Variants in NOL4L observed in about 807,000 individuals in gnomAD.
NOL4L encodes nucleolar protein 4 like.
A neutral mutation model predicts 64.5 loss-of-function variants in NOL4L; 7 were observed. That is an observed-to-expected ratio of 0.11 (90% CI 0.06 to 0.20). The LOEUF (loss-of-function observed/expected upper bound fraction) is 0.20. Ranked by LOEUF, NOL4L falls within the 10% of genes least tolerant of loss-of-function variation. NOL4L has a pLI of 1.00. For missense variants in NOL4L, 680 were observed against 967.1 expected (o/e 0.70, Z 3.94); for synonymous variants, 413 against 401.0 (o/e 1.03, Z -0.36).
At chr20:32,495,747 A>G (rs955593053) in intron 4 of NOL4L, among the ~76,000 whole-genome samples, 3 of 152,068 alleles carry the variant, frequency 2.0e-5, no homozygotes, top group African/African-American at 4.8e-5. Context: ...GCTTAAGCCC[A>G]GGAGTTCAAG....
intron 5 of NOL4L, among the ~76,000 whole-genome samples, chr20:32,468,915 A>AG (rs1176527602): frequency 0.013 from 1,939 of 146,918 alleles, 4 homozygotes; most frequent in Admixed American, 0.017. Flanking sequence ...AAAAAAAAAA[A>AG]AAAAAGAAAG....
chr20:32,509,063 T>G (rs2017262038), intron 4 of NOL4L, among the ~76,000 whole-genome samples: 1 of 152,176 alleles, frequency 6.6e-6, no homozygotes, highest in Non-Finnish European at 1.5e-5. Flanking sequence ...ACAGCTTCCC[T>G]GACCCCTGCC....
At chr20:32,530,082 C>T (rs1352338592) in intron 1 of NOL4L, among the ~76,000 whole-genome samples, 1 of 152,198 alleles carries the variant, frequency 6.6e-6, no homozygotes, top group African/African-American at 2.4e-5. Context: ...TCTTCATATA[C>T]TGCCATGACA....
rs774612473 is a variant in NOL4L at position 32,447,403 on chromosome 20, C to CCAAA, written c.*192_*193insTTTG. On this transcript the variant is annotated 3_prime_UTR_variant, in exon 11 of 11. Transcript: ENST00000621426. ...TCAGAGCACCCGTGTGGTGAGATTC[C>CCAAA]AAAAAAAAAAAAAAAAAAAAAAAAA... 1 of 150,962 alleles carries CCAAA rather than the reference C, an allele frequency of 6.6e-6. No homozygotes were observed. The highest frequency in any genetic ancestry group is 1.1e-5 in the Non-Finnish European group (1 of 93,084). The allele number at this position is 150,962 out of a possible 1,614,324, so 9.4% of individuals were successfully genotyped here.
rs370755405 is a variant in NOL4L at position 32,553,328 on chromosome 20, C to T, written c.322-25415G>A. ...GTGCTCACCTCTCACCACTCACCCC[C>T]ACACCCAGGGCTCCAGCCCACTCCA... is the stretch of plus-strand genomic sequence containing the variant. On this transcript the variant is annotated intron_variant, in intron 1 of 10. Coordinates refer to ENST00000621426, the MANE Select transcript of NOL4L (RefSeq NM_001256798.2). 1.4e-4 allele frequency among the ~76,000 whole-genome samples: 22 copies of T among 152,162 alleles called. No individual in the cohort carries two copies. In the East Asian group the frequency reaches 1.9e-3, roughly 13 times the overall value.
chr20:32,524,528 C>T (rs905542271), intron 2 of NOL4L, among the ~76,000 whole-genome samples: 4 of 152,178 alleles, frequency 2.6e-5, no homozygotes, highest in Admixed American at 1.3e-4. Flanking sequence ...TCCTATAGTA[C>T]CCTCCTAGGC....
At chr20:32,506,575 C>T (rs368942818) in intron 4 of NOL4L, among the ~76,000 whole-genome samples, 7 of 152,030 alleles carry the variant, frequency 4.6e-5, no homozygotes, top group South Asian at 2.1e-4. Context: ...GCAGGAGCAC[C>T]GCTTGAACCC....
intron 4 of NOL4L, among the ~76,000 whole-genome samples, chr20:32,493,032 C>G (rs2016528892): frequency 6.6e-6 from 1 of 152,238 alleles, no homozygotes; most frequent in African/African-American, 2.4e-5. Flanking sequence ...AGAGATTTCC[C>G]TTGGGCCAAG....
intron 1 of NOL4L, among the ~76,000 whole-genome samples, chr20:32,561,623 C>T (rs1600876360): frequency 6.6e-6 from 1 of 152,022 alleles, no homozygotes; most frequent in African/African-American, 2.4e-5. Flanking sequence ...GGGGATGGGG[C>T]CACGCCCCAG....
At chr20:32,501,681 C>CA (rs201515115) in intron 4 of NOL4L, among the ~76,000 whole-genome samples, 144 of 147,236 alleles carry the variant, frequency 9.8e-4, no homozygotes, top group East Asian at 2.7e-3. Flanking sequence ...AATAGTCTAT[C>CA]AAAAAAAAAA....
chr20:32,557,306 A>G (rs957972020), intron 1 of NOL4L, among the ~76,000 whole-genome samples: 4 of 152,190 alleles, frequency 2.6e-5, no homozygotes, highest in Non-Finnish European at 4.4e-5. Flanking sequence ...CCTCCTTATC[A>G]CTTGCATTGT....
At chr20:32,528,618 G>A (rs557999619) in intron 1 of NOL4L, among the ~76,000 whole-genome samples, 2 of 152,218 alleles carry the variant, frequency 1.3e-5, no homozygotes, top group East Asian at 3.9e-4. Flanking sequence ...GGAGCAAGAC[G>A]GGTCCTTCAA....
In NOL4L at chr20:32,541,681, G is replaced by A. The variant is rs548625375; in HGVS notation, c.322-13768C>T. On this transcript the variant is annotated intron_variant, in intron 1 of 10. Transcript: ENST00000621426. ...ACAAACTGGCCTTTGTTCCTGGGCC[G>A]GCCAAGACCCAGCAGCTTGGGCTTT... 4.6e-5 allele frequency among the ~76,000 whole-genome samples: 7 copies of A among 152,334 alleles called. No homozygotes were observed. The East Asian group carries it at 7.7e-4, about 17-fold the overall frequency.
intron 1 of NOL4L, among the ~76,000 whole-genome samples, chr20:32,568,021 C>T (rs1390658057): frequency 6.6e-6 from 1 of 151,644 alleles, no homozygotes; most frequent in Non-Finnish European, 1.5e-5. Flanking sequence ...TCATCATCAC[C>T]ACCATCATCA....
intron 1 of NOL4L, among the ~76,000 whole-genome samples, chr20:32,534,873 C>A (rs960270856): frequency 6.8e-6 from 1 of 146,496 alleles, no homozygotes; most frequent in African/African-American, 2.6e-5. Flanking sequence ...CACAGTGAGA[C>A]CCCATCTCAA....
chr20:32,575,246 C>A (rs1535375), intron 1 of NOL4L, among the ~76,000 whole-genome samples: 1 of 151,832 alleles, frequency 6.6e-6, no homozygotes, highest in African/African-American at 2.4e-5. Flanking sequence ...TGCCAGCTCA[C>A]CCCTTCAGGA....
chr20:32,567,923 AT>A (rs1341556842), intron 1 of NOL4L, among the ~76,000 whole-genome samples: 5 of 130,774 alleles, frequency 3.8e-5, no homozygotes, highest in African/African-American at 2.0e-4. Context: ...TACCACCACC[AT>A]CATCATCATC....
chr20:32,466,180 C>T (rs2014534725), intron 5 of NOL4L, among the ~76,000 whole-genome samples: 1 of 152,274 alleles, frequency 6.6e-6, no homozygotes, highest in East Asian at 1.9e-4. Flanking sequence ...GTTGGCCAGG[C>T]TGGTCTCAAA....
intron 1 of NOL4L, among the ~76,000 whole-genome samples, chr20:32,564,303 G>A (rs1416448157): frequency 6.6e-6 from 1 of 152,208 alleles, no homozygotes. Context: ...TCCCACGAAC[G>A]TTCCAGCATC....
Sources: gnomAD v4.1 joint callset for allele counts (sites outside exome capture counted in the v4.1 genomes callset) on GRCh38, gnomAD v4.1.1 for gene constraint, MANE v1.5 for transcripts, NCBI Gene and HGNC (gene_info 2026-07-23, HGNC 2026-07-21) for gene names.